UFSP2: variants seen among roughly 807,000 people sequenced by gnomAD.
UFSP2 encodes the protein UFM1 specific peptidase 2.
A neutral mutation model predicts 60.2 loss-of-function variants in UFSP2; 43 were observed. The observed-to-expected ratio is 0.71, with a 90% CI of 0.56 to 0.92. The LOEUF is 0.92. Ranked by LOEUF, UFSP2 falls within the 40% of genes least tolerant of loss-of-function variation. UFSP2 has a pLI of 0.00. For synonymous variants in UFSP2, 183 were observed against 195.1 expected, an observed-to-expected ratio of 0.94 and a Z score of 0.52; for missense variants, 520 against 575.0, an observed-to-expected ratio of 0.90 and a Z score of 0.98.
chr4:185,418,157 A>C (rs935220647), intron 4 of UFSP2, among the ~76,000 whole-genome samples: 6 of 152,098 alleles, frequency 3.9e-5, no homozygotes, highest in African/African-American at 1.4e-4. Flanking sequence ...CATGATTCAG[A>C]ATGCGATTTA....
intron 4 of UFSP2, among the ~76,000 whole-genome samples, chr4:185,417,763 GC>G (rs2095541315): frequency 1.3e-5 from 2 of 152,144 alleles, no homozygotes; most frequent in Admixed American, 6.5e-5. Flanking sequence ...AACAGAACCA[GC>G]CGGGCGCGGT....
intron 10 of UFSP2, 90 bp downstream of exon 10, chr4:185,405,690 G>T: frequency 1.4e-6 from 2 of 1,420,940 alleles, no homozygotes; most frequent in South Asian, 2.6e-5. Flanking sequence ...TTTTTTAAAT[G>T]ACTGATTTTA....
chr4:185,414,826 GA>G (rs1365477421), intron 6 of UFSP2, among the ~76,000 whole-genome samples: 12 of 152,088 alleles, frequency 7.9e-5, no homozygotes, highest in Admixed American at 5.2e-4. Context: ...GAAAGTTATA[GA>G]AATCTGTTAA....
chr4:185,419,651 C>T (rs1252163426), intron 2 of UFSP2, among the ~76,000 whole-genome samples: 4 of 152,228 alleles, frequency 2.6e-5, no homozygotes, highest in Non-Finnish European at 5.9e-5. Context: ...CTGCTGTGGA[C>T]ATTTCACATA....
rs543289397 is a variant in UFSP2, at chr4:185,399,647, C to A, written c.*745G>T. On this transcript the variant is annotated 3_prime_UTR_variant, in exon 12 of 12. Coordinates refer to ENST00000264689, the MANE Select transcript of UFSP2 (RefSeq NM_018359.5). The stretch of plus-strand genomic sequence containing the variant: ...TTTCCAGACTGTGCCAAGTTTCTTA[C>A]AACAATTAAATGTATGCAGACAATA... 5 of 1,614,148 alleles carry A rather than the reference C, an allele frequency of 3.1e-6. No individual in the cohort carries two copies. In the African/African-American group the frequency reaches 4.0e-5, roughly 13 times the overall value.
chr4:185,404,515 T>G (rs1343053875), intron 10 of UFSP2, among the ~76,000 whole-genome samples: 1 of 151,970 alleles, frequency 6.6e-6, no homozygotes, highest in Non-Finnish European at 1.5e-5. Flanking sequence ...GCCAGGATGG[T>G]CTCGATCTCC....
chr4:185,425,155 G>A (rs2095557158), intron 1 of UFSP2, among the ~76,000 whole-genome samples: 1 of 152,190 alleles, frequency 6.6e-6, no homozygotes, highest in Admixed American at 6.5e-5. Flanking sequence ...ATGTCGGGGA[G>A]TTGAGAAGAG....
intron 4 of UFSP2, among the ~76,000 whole-genome samples, chr4:185,416,275 C>T (rs1207016063): frequency 1.3e-5 from 2 of 152,130 alleles, no homozygotes; most frequent in Non-Finnish European, 1.5e-5. Context: ...CACTGGGGTT[C>T]GTTACATGAT....
chr4:185,417,049 G>A (rs2095540007), intron 4 of UFSP2, among the ~76,000 whole-genome samples: 1 of 152,184 alleles, frequency 6.6e-6, no homozygotes, highest in Admixed American at 6.5e-5. Context: ...GGAAAAAATA[G>A]TACCTTTACC....
chr4:185,401,896 AAAAT>A (rs1166186504), intron 11 of UFSP2, among the ~76,000 whole-genome samples: 5 of 152,218 alleles, frequency 3.3e-5, no homozygotes, highest in Non-Finnish European at 7.3e-5. Context: ...TTTGATGATG[AAAAT>A]AATTAAGGCT....
At position 185,399,956 on chromosome 4, in the gene UFSP2, G is replaced by T; in HGVS notation, c.*436C>A. ...CCAAAAATGGGACTGCATGGTGGAAGTTTGGGGATAAAACTCTTTTTAAAA... is the reference window on the plus strand; with the variant it reads ...CCAAAAATGGGACTGCATGGTGGAATTTTGGGGATAAAACTCTTTTTAAAA... On this transcript the variant is annotated 3_prime_UTR_variant, in exon 12 of 12. Coordinates refer to ENST00000264689, the MANE Select transcript of UFSP2 (RefSeq NM_018359.5). 6.3e-7 allele frequency: 1 copy of T among 1,581,026 alleles called. No homozygotes were observed. Among genetic ancestry groups the T allele is most frequent in the Non-Finnish European group, 8.6e-7 (1 of 1,168,132 alleles).
intron 7 of UFSP2, among the ~76,000 whole-genome samples, chr4:185,413,094 C>G (rs2095532336): frequency 6.6e-6 from 1 of 152,192 alleles, no homozygotes; most frequent in South Asian, 2.1e-4. Context: ...CACTTGAGGT[C>G]AGGAGTTCAC....
intron 4 of UFSP2, among the ~76,000 whole-genome samples, chr4:185,418,038 C>A (rs2095542014): frequency 1.5e-4 from 1 of 6,842 alleles, no homozygotes; most frequent in Admixed American, 1.4e-3. Flanking sequence ...GAGTGAAACT[C>A]CATCTCAAAA....
In UFSP2 at chr4:185,400,487, A is replaced by C; in HGVS notation, c.1324-9T>G. Reference sequence around the variant, plus strand: ...TTCCATCCGCACCAGCCCTGGATAGAGAAGACGGGAAAGGAAAGCCTTTTA... The same window carrying C: ...TTCCATCCGCACCAGCCCTGGATAGCGAAGACGGGAAAGGAAAGCCTTTTA... On this transcript the variant is annotated splice_polypyrimidine_tract_variant and intron_variant, in intron 11 of 11. Transcript: ENST00000264689. The C allele has an allele frequency of 6.2e-7, 1 of 1,604,754 alleles. No homozygotes were observed. The highest frequency in any genetic ancestry group is 1.1e-5 in the South Asian group (1 of 90,092).
chr4:185,405,333 C>T (rs1405303740), intron 10 of UFSP2, among the ~76,000 whole-genome samples: 1 of 152,168 alleles, frequency 6.6e-6, no homozygotes, highest in East Asian at 1.9e-4. Context: ...TCTCACCTTG[C>T]CTTCTGTCAT....
At chr4:185,413,420 G>A (rs1456337437) in intron 7 of UFSP2, among the ~76,000 whole-genome samples, 1 of 152,000 alleles carries the variant, frequency 6.6e-6, no homozygotes, top group Non-Finnish European at 1.5e-5. Context: ...CCTACAGTGT[G>A]GTTTGGGTAG....
chr4:185,411,751 A>G (rs1297210339), intron 7 of UFSP2, among the ~76,000 whole-genome samples: 5 of 152,242 alleles, frequency 3.3e-5, no homozygotes, highest in Non-Finnish European at 7.3e-5. Context: ...AGGAATGTTC[A>G]TTGTCTAAAC....
At chr4:185,411,824 T>C (rs911860561) in intron 7 of UFSP2, among the ~76,000 whole-genome samples, 3 of 152,180 alleles carry the variant, frequency 2.0e-5, no homozygotes, top group Admixed American at 1.3e-4. Context: ...ATACCAGAGA[T>C]GTTTGATATG....
intron 11 of UFSP2, 72 bp downstream of exon 11, chr4:185,403,422 C>T (rs1008583078): frequency 5.1e-6 from 8 of 1,564,222 alleles, no homozygotes; most frequent in Middle Eastern, 1.7e-4. Context: ...CTTTCTGTTA[C>T]CAGCCAGTTT....
Sources: allele counts gnomAD v4.1 joint callset (sites outside exome capture counted in the v4.1 genomes callset), GRCh38; gene constraint gnomAD v4.1.1; transcripts MANE v1.5; gene names NCBI Gene and HGNC (gene_info 2026-07-23, HGNC 2026-07-21).